RPS6KA2: variants seen among roughly 807,000 people sequenced by gnomAD.
RPS6KA2 encodes the protein ribosomal protein S6 kinase alpha-2.
Under a neutral mutation model 91.8 loss-of-function variants are expected in RPS6KA2, and 42 were observed. That is an observed-to-expected ratio of 0.46 (90% CI 0.36 to 0.59). The LOEUF (loss-of-function observed/expected upper bound fraction) is 0.59, where lower values mean the gene tolerates loss of function less well. RPS6KA2 is among the 20% of genes least tolerant of loss of function. RPS6KA2 has a pLI of 0.00. For missense variants in RPS6KA2, 798 were observed against 978.5 expected (o/e 0.82, Z 2.46); for synonymous variants, 414 against 393.6 (o/e 1.05, Z -0.61).
At chr6:166,599,166 C>T (rs916249739) in intron 1 of RPS6KA2, among the ~76,000 whole-genome samples, 2 of 152,228 alleles carry the variant, frequency 1.3e-5, no homozygotes, top group Admixed American at 1.3e-4. Flanking sequence ...GGACTGAAAG[C>T]AGGTAGAGGT....
intron 6 of RPS6KA2, among the ~76,000 whole-genome samples, chr6:166,502,972 TA>T (rs1289691041): frequency 6.6e-6 from 1 of 152,222 alleles, no homozygotes; most frequent in Non-Finnish European, 1.5e-5. Context: ...TACTTATATA[TA>T]ATGAGATATC....
rs118170760 is a variant in RPS6KA2, at chr6:166,639,956, G to A, written c.124-101172C>T. 5.0e-3 allele frequency among the ~76,000 whole-genome samples: 758 copies of A among 152,312 alleles called. 1 individual carries two copies. Among genetic ancestry groups the A allele is most frequent in the Non-Finnish European group, 8.1e-3 (548 of 68,026 alleles). On this transcript the variant is annotated intron_variant, in intron 2 of 21. Coordinates refer to the RPS6KA2 transcript ENST00000503859. The surrounding 1 kb of genome is among the most constrained non-coding windows in gnomAD (Gnocchi z 4.2). The stretch of plus-strand genomic sequence containing the variant: ...GTTCCATGCGTGTGTGTAAACAGAC[G>A]TTACTAGGATTATTTTCAGTGGGTT...
chr6:166,644,719 C>G (rs1300511210), intron 2 of RPS6KA2, among the ~76,000 whole-genome samples: 1 of 152,234 alleles, frequency 6.6e-6, no homozygotes, highest in Non-Finnish European at 1.5e-5. Flanking sequence ...TACTTGCATC[C>G]TGCAAAAAGC....
At chr6:166,451,079 C>A (rs370833428) in intron 13 of RPS6KA2, 24 bp downstream of exon 13, 3 of 1,613,492 alleles carry the variant, frequency 1.9e-6, no homozygotes, top group East Asian at 2.2e-5. Flanking sequence ...TTACCCCCAA[C>A]CCACTGCAGG....
intron 1 of RPS6KA2, among the ~76,000 whole-genome samples, chr6:166,580,351 T>C (rs1026825263): frequency 4.6e-5 from 7 of 152,204 alleles, no homozygotes; most frequent in African/African-American, 1.7e-4. Context: ...GTCCCGTGCA[T>C]ATCCAAAGGT....
chr6:166,796,539 C>T (rs1779228491), intron 2 of RPS6KA2, among the ~76,000 whole-genome samples: 2 of 140,550 alleles, frequency 1.4e-5, no homozygotes, highest in Non-Finnish European at 3.2e-5. Context: ...CAGTGAGCAG[C>T]GATGGTGCCA....
Position 166,733,658 on chromosome 6 carries a change from C to A in RPS6KA2, c.123+124542G>T, listed in dbSNP as rs1463977566. On this transcript the variant is annotated intron_variant, in intron 2 of 21. Transcript: ENST00000503859. This position sits in a 1 kb window ranked among gnomAD's most constrained non-coding sequence, Gnocchi z 4.1. Reference sequence around the variant, plus strand: ...TGGTAACACGGAGGTCACTAGCATCCCTCGTGGACAGTTTCCATGGAATGT... The same window carrying A: ...TGGTAACACGGAGGTCACTAGCATCACTCGTGGACAGTTTCCATGGAATGT... Among the ~76,000 whole-genome samples, 1 of 152,168 alleles carries A rather than the reference C, an allele frequency of 6.6e-6. No homozygotes were observed. The highest frequency in any genetic ancestry group is 1.5e-5 in the Non-Finnish European group (1 of 68,042).
intron 2 of RPS6KA2, among the ~76,000 whole-genome samples, chr6:166,832,350 TCACAGATG>T (rs1780209085): frequency 6.6e-6 from 1 of 152,158 alleles, no homozygotes; most frequent in Non-Finnish European, 1.5e-5. Flanking sequence ...TTGGATTTAC[TCACAGATG>T]CACAGATAGC....
chr6:166,639,491 G>A lies in RPS6KA2; in HGVS notation c.124-100707C>T, dbSNP rs920661720. Among the ~76,000 whole-genome samples, 2 of 152,132 alleles carry A rather than the reference G, an allele frequency of 1.3e-5. No individual in the cohort carries two copies. Among genetic ancestry groups the A allele is most frequent in the African/African-American group, 2.4e-5 (1 of 41,428 alleles). On this transcript the variant is annotated intron_variant, in intron 2 of 21. Coordinates refer to the RPS6KA2 transcript ENST00000503859. The surrounding 1 kb of genome is among the most constrained non-coding windows in gnomAD (Gnocchi z 4.2). Reference sequence around the variant, plus strand: ...CCACCAGCCTGATCCTTCTAGAAGCGAATCTGGTTCAGTTACCCCAGGGCA... The same window carrying A: ...CCACCAGCCTGATCCTTCTAGAAGCAAATCTGGTTCAGTTACCCCAGGGCA...
At position 166,770,127 on chromosome 6, in the gene RPS6KA2, C is replaced by T. The variant is rs893925289; in HGVS notation, c.123+88073G>A. On this transcript the variant is annotated intron_variant, in intron 2 of 21. Coordinates refer to the RPS6KA2 transcript ENST00000503859. This position sits in a 1 kb window ranked among gnomAD's most constrained non-coding sequence, Gnocchi z 5.1. ...TAGCCTGCTGTGACCGCTGCAGAGG[C>T]GCGGCCCCAAGGATGATCAATCCCA... is the stretch of plus-strand genomic sequence containing the variant. 3.9e-5 allele frequency among the ~76,000 whole-genome samples: 6 copies of T among 152,194 alleles called. No individual in the cohort carries two copies. The highest frequency in any genetic ancestry group is 5.9e-5 in the Non-Finnish European group (4 of 68,038).
chr6:166,762,569 G>A (rs898469346), intron 2 of RPS6KA2, among the ~76,000 whole-genome samples: 5 of 152,104 alleles, frequency 3.3e-5, no homozygotes, highest in East Asian at 1.9e-4. Flanking sequence ...ACAGGATCTC[G>A]CACTGGGCTG....
intron 2 of RPS6KA2, among the ~76,000 whole-genome samples, chr6:166,822,665 A>T (rs956261936): frequency 6.6e-6 from 1 of 152,108 alleles, no homozygotes; most frequent in Non-Finnish European, 1.5e-5. Flanking sequence ...CTCATGGATT[A>T]TTTATGTGTC....
Position 166,605,756 on chromosome 6 carries a change from A to G in RPS6KA2, c.99+21165T>C, listed in dbSNP as rs180692762. The stretch of plus-strand genomic sequence containing the variant: ...TCAACTGAGATCTTTCAAAGGTGAC[A>G]TCAAAATAAAAATAGCACACAAATT... On this transcript the variant is annotated intron_variant, in intron 1 of 20. Coordinates refer to ENST00000265678, the MANE Select transcript of RPS6KA2 (RefSeq NM_021135.6). Among the ~76,000 whole-genome samples, 123 of 152,380 alleles carry G rather than the reference A, an allele frequency of 8.1e-4. 1 individual carries two copies. The highest frequency in any genetic ancestry group is 2.8e-3 in the African/African-American group (117 of 41,596).
intron 2 of RPS6KA2, among the ~76,000 whole-genome samples, chr6:166,789,310 GA>G (rs1779017578): frequency 6.6e-6 from 1 of 152,258 alleles, no homozygotes; most frequent in African/African-American, 2.4e-5. Context: ...GAGGCTGGGG[GA>G]GGGGCGCCCG....
intron 2 of RPS6KA2, among the ~76,000 whole-genome samples, chr6:166,837,736 C>G (rs1192763380): frequency 2.0e-5 from 3 of 152,216 alleles, no homozygotes; most frequent in African/African-American, 7.2e-5. Context: ...CACCTGGCCG[C>G]CCTGCTCCCG....
rs545958230 is a variant in RPS6KA2 at position 166,541,376 on chromosome 6, C to T, written c.100-2592G>A. ...GTTTCCTAAAGATTTCCAGTTCCTTCCTTTTTCTTCAGCAGCTCTTTGTGG... is the reference window on the plus strand; with the variant it reads ...GTTTCCTAAAGATTTCCAGTTCCTTTCTTTTTCTTCAGCAGCTCTTTGTGG... On this transcript the variant is annotated intron_variant, in intron 1 of 20. Coordinates refer to ENST00000265678, the MANE Select transcript of RPS6KA2 (RefSeq NM_021135.6). Among the ~76,000 whole-genome samples, 3 of 152,352 alleles carry T rather than the reference C, an allele frequency of 2.0e-5. No individual in the cohort carries two copies. The East Asian group carries it at 5.8e-4, about 29-fold the overall frequency.
At chr6:166,854,444 C>T (rs1294642906) in intron 2 of RPS6KA2, among the ~76,000 whole-genome samples, 1 of 152,112 alleles carries the variant, frequency 6.6e-6, no homozygotes, top group Non-Finnish European at 1.5e-5. Flanking sequence ...GGAGTGATCA[C>T]AGCACCTCCT....
chr6:166,414,255 A>G (rs547104443), intron 19 of RPS6KA2, among the ~76,000 whole-genome samples: 1 of 152,366 alleles, frequency 6.6e-6, no homozygotes, highest in East Asian at 1.9e-4. Flanking sequence ...TATCTTTCCA[A>G]AGGGAAAAGC....
intron 1 of RPS6KA2, among the ~76,000 whole-genome samples, chr6:166,615,398 T>C (rs914564328): frequency 5.9e-5 from 9 of 152,290 alleles, no homozygotes; most frequent in African/African-American, 2.2e-4. Flanking sequence ...AGGAAGAAGA[T>C]GTAGAATAAA....
Sources: allele counts gnomAD v4.1 joint callset (sites outside exome capture counted in the v4.1 genomes callset), GRCh38; gene constraint gnomAD v4.1.1; non-coding constraint Gnocchi (gnomAD v3.1); transcripts MANE v1.5; gene names NCBI Gene and HGNC (gene_info 2026-07-23, HGNC 2026-07-21).